The following RNF150 variants were observed in gnomAD, a reference collection of about 807,000 sequenced individuals.
RNF150 encodes the protein ring finger protein 150.
A neutral mutation model predicts 39.3 loss-of-function variants in RNF150; 24 were observed. The ratio of observed to expected loss-of-function variants is 0.61; its 90% CI spans 0.44 to 0.86. The LOEUF is 0.86. Among genes scored for constraint, RNF150 ranks in the 40% least tolerant of loss-of-function variants. The pLI is 0.00. For missense variants in RNF150, 502 were observed against 587.8 expected (o/e 0.85, Z 1.51); for synonymous variants, 255 against 227.3 (o/e 1.12, Z -1.10).
intron 1 of RNF150, among the ~76,000 whole-genome samples, chr4:141,071,294 G>A (rs1349927978): frequency 1.3e-5 from 2 of 150,102 alleles, no homozygotes; most frequent in East Asian, 3.9e-4. Context: ...ATGACGAGTT[G>A]GTGGGTGCAG....
At chr4:141,053,404 A>C (rs1736853029) in intron 1 of RNF150, among the ~76,000 whole-genome samples, 1 of 152,222 alleles carries the variant, frequency 6.6e-6, no homozygotes, top group Non-Finnish European at 1.5e-5. Context: ...GCAAAATCAT[A>C]AGAAAAACTA....
chr4:141,170,546 A>T (rs1413883086), intron 1 of RNF150, among the ~76,000 whole-genome samples: 2 of 152,088 alleles, frequency 1.3e-5, no homozygotes, highest in Non-Finnish European at 2.9e-5. Flanking sequence ...ATCTATTAGA[A>T]TTTTTTTCTG....
intron 1 of RNF150, among the ~76,000 whole-genome samples, chr4:141,007,241 A>G (rs1229555030): frequency 6.6e-6 from 1 of 152,202 alleles, no homozygotes; most frequent in African/African-American, 2.4e-5. Context: ...AGATTTATTG[A>G]ACATTCAAGT....
Position 141,133,053 on chromosome 4 carries a change from G to T in RNF150, c.-245C>A. ...CATTTTGCTTCTTGGGCGCCCGGGG[G>T]GCGCGGGAACAGAGGGCCCGCGGGG... On this transcript the variant is annotated 5_prime_UTR_variant, in exon 1 of 7. Coordinates refer to ENST00000515673, the MANE Select transcript of RNF150 (RefSeq NM_020724.2). 2 of 426,426 alleles carry T rather than the reference G, an allele frequency of 4.7e-6. No individual in the cohort carries two copies. Among genetic ancestry groups the T allele is most frequent in the South Asian group, 2.6e-5 (1 of 38,686 alleles). The allele number at this position is 426,426 out of a possible 1,614,324, so 26.4% of individuals were successfully genotyped here. A position where few individuals can be genotyped will look rare whatever the true frequency, so the allele number is the denominator to read the frequency against.
chr4:140,983,730 T>C (rs1438924547), intron 1 of RNF150, among the ~76,000 whole-genome samples: 5 of 151,130 alleles, frequency 3.3e-5, no homozygotes, highest in Non-Finnish European at 7.4e-5. Flanking sequence ...TTGTATGTTG[T>C]ATAACTGCCT....
Position 141,114,886 on chromosome 4 carries a change from C to CA in RNF150, c.484+17438dup, listed in dbSNP as rs760910755. 1.6e-4 allele frequency among the ~76,000 whole-genome samples: 25 copies of CA among 152,228 alleles called. No individual in the cohort carries two copies. In the East Asian group the frequency reaches 1.9e-3, roughly 12 times the overall value. ...TTCATCACATAAACAGAACCAATGA[C>CA]AAAACCACATAATTATCTCACAAGA... On this transcript the variant is annotated intron_variant, in intron 1 of 6. Coordinates refer to ENST00000515673, the MANE Select transcript of RNF150 (RefSeq NM_020724.2).
intron 6 of RNF150, among the ~76,000 whole-genome samples, chr4:140,901,902 C>T (rs1366734611): frequency 1.3e-5 from 2 of 152,192 alleles, no homozygotes; most frequent in African/African-American, 4.8e-5. Flanking sequence ...GACGGTGTAC[C>T]TGGAACCACA....
intron 1 of RNF150, among the ~76,000 whole-genome samples, chr4:141,058,125 T>A (rs989200445): frequency 2.6e-5 from 4 of 152,194 alleles, no homozygotes; most frequent in Non-Finnish European, 5.9e-5. Flanking sequence ...ACATCCCTGT[T>A]AAAATGACTA....
intron 1 of RNF150, among the ~76,000 whole-genome samples, chr4:140,988,834 TGAG>T (rs1270351081): frequency 6.6e-6 from 1 of 152,050 alleles, no homozygotes; most frequent in East Asian, 1.9e-4. Context: ...TAAAAAATGA[TGAG>T]TTCATGTCCT....
rs2111509529 is a variant in RNF150, at chr4:141,003,231, A to G, written c.485-35358T>C. ...TTTTTAGGGAATAAATACATGATAC[A>G]AAACAGTACTACAATGTGTGCTAGC... On this transcript the variant is annotated intron_variant, in intron 1 of 6. Coordinates refer to ENST00000515673, the MANE Select transcript of RNF150 (RefSeq NM_020724.2). 3.3e-5 allele frequency among the ~76,000 whole-genome samples: 5 copies of G among 152,290 alleles called. 1 individual carries two copies. The East Asian group carries it at 9.7e-4, about 29-fold the overall frequency.
chr4:141,082,595 TA>T (rs1228352627), intron 1 of RNF150, among the ~76,000 whole-genome samples: 3 of 134,896 alleles, frequency 2.2e-5, no homozygotes, highest in Admixed American at 7.3e-5. Context: ...TTTTATTTTT[TA>T]TTTTTTTTTT....
rs10527652 is a variant in RNF150, at chr4:141,019,033, AATATATATATATAT to A, written c.485-51174_485-51161del. 5.9e-3 allele frequency among the ~76,000 whole-genome samples: 743 copies of A among 126,394 alleles called. 10 individuals are homozygous for A. The highest frequency in any genetic ancestry group is 0.013 in the Admixed American group (156 of 11,706). The allele number at this position is 126,394 out of a possible 152,430, so 82.9% of individuals were successfully genotyped here. A position where few individuals can be genotyped will look rare whatever the true frequency, so the allele number is the denominator to read the frequency against. ...TTTGAAGGCAATCTTACTGCAAAGA[AATATATATATATAT>A]ATATATATATATATATATATATATA... On this transcript the variant is annotated intron_variant, in intron 1 of 6. Coordinates refer to ENST00000515673, the MANE Select transcript of RNF150 (RefSeq NM_020724.2).
At chr4:140,905,220 A>G (rs562353278) in intron 6 of RNF150, among the ~76,000 whole-genome samples, 2 of 152,138 alleles carry the variant, frequency 1.3e-5, no homozygotes, top group South Asian at 2.1e-4. Context: ...ATATGCATAT[A>G]TATACATATA....
chr4:141,043,556 G>T (rs1029660965), intron 1 of RNF150, among the ~76,000 whole-genome samples: 1 of 152,126 alleles, frequency 6.6e-6, no homozygotes, highest in Non-Finnish European at 1.5e-5. Context: ...CTAAAAAAAT[G>T]TAAGTGCTTT....
Position 141,109,504 on chromosome 4 carries a change from G to T in RNF150, c.484+22821C>A, listed in dbSNP as rs1434545392. 2.0e-5 allele frequency among the ~76,000 whole-genome samples: 3 copies of T among 151,836 alleles called. No individual in the cohort carries two copies. In the East Asian group the frequency reaches 5.8e-4, roughly 29 times the overall value. On this transcript the variant is annotated intron_variant, in intron 1 of 6. Transcript: ENST00000515673. ...TGATAAATGCTTTTAGACAACTACA[G>T]ACAAAAAAGCAATCAGAGAACAAAT... is the stretch of plus-strand genomic sequence containing the variant.
At chr4:140,964,557 G>A (rs1733159330) in intron 2 of RNF150, among the ~76,000 whole-genome samples, 1 of 151,930 alleles carries the variant, frequency 6.6e-6, no homozygotes, top group Non-Finnish European at 1.5e-5. Context: ...TAAATACCTA[G>A]AACTAACTGA....
chr4:140,989,312 A>G (rs1263877225), intron 1 of RNF150, among the ~76,000 whole-genome samples: 1 of 152,110 alleles, frequency 6.6e-6, no homozygotes, highest in Non-Finnish European at 1.5e-5. Context: ...GCCTCTGCTC[A>G]TTCAAAAAAA....
At chr4:141,080,304 A>G (rs895095485) in intron 1 of RNF150, among the ~76,000 whole-genome samples, 1 of 152,098 alleles carries the variant, frequency 6.6e-6, no homozygotes, top group Non-Finnish European at 1.5e-5. Context: ...CATCCAGTCT[A>G]TTACTATTTT....
At chr4:141,156,015 C>A (rs1727390773) in intron 1 of RNF150, among the ~76,000 whole-genome samples, 3 of 147,724 alleles carry the variant, frequency 2.0e-5, no homozygotes, top group Admixed American at 1.3e-4. Context: ...AAGGAGGCAA[C>A]ATGGACCTTC....
Sources: gnomAD v4.1 joint callset for allele counts (sites outside exome capture counted in the v4.1 genomes callset) on GRCh38, gnomAD v4.1.1 for gene constraint, MANE v1.5 for transcripts, NCBI Gene and HGNC (gene_info 2026-07-23, HGNC 2026-07-21) for gene names.